Variants in UNC13C observed in about 807,000 individuals in gnomAD.
UNC13C encodes protein unc-13 homolog C.
A neutral mutation model predicts 245.4 loss-of-function variants in UNC13C; 174 were observed. The ratio of observed to expected loss-of-function variants is 0.71; its 90% confidence interval spans 0.63 to 0.80. UNC13C has a LOEUF of 0.80. UNC13C is among the 30% of genes least tolerant of loss of function. UNC13C has a pLI of 0.00. For missense variants in UNC13C, 2,829 were observed against 2,602.9 expected (o/e 1.09, Z -1.89); for synonymous variants, 992 against 895.1 (o/e 1.11, Z -1.93).
intron 13 of UNC13C, among the ~76,000 whole-genome samples, chr15:54,311,384 A>T (rs1354359177): frequency 6.6e-6 from 1 of 151,802 alleles, no homozygotes; most frequent in Non-Finnish European, 1.5e-5. Flanking sequence ...AATTTTTGAC[A>T]TATTTACATT....
chr15:54,253,688 A>C (rs2036209956), intron 8 of UNC13C, among the ~76,000 whole-genome samples: 1 of 152,200 alleles, frequency 6.6e-6, no homozygotes, highest in Admixed American at 6.5e-5. Context: ...ATAACGTGTA[A>C]GGAACTTGCT....
intron 10 of UNC13C, among the ~76,000 whole-genome samples, chr15:54,284,397 A>G (rs1178022744): frequency 6.6e-6 from 1 of 152,180 alleles, no homozygotes; most frequent in East Asian, 1.9e-4. Flanking sequence ...TTGAATACCT[A>G]CTTGCTGCAG....
intron 19 of UNC13C, among the ~76,000 whole-genome samples, chr15:54,482,873 A>T (rs985905318): frequency 1.3e-5 from 2 of 152,328 alleles, no homozygotes; most frequent in Non-Finnish European, 2.9e-5. Flanking sequence ...TACATTTTTC[A>T]CATGTCTAAA....
At chr15:54,487,803 A>C (rs1893498673) in intron 19 of UNC13C, among the ~76,000 whole-genome samples, 1 of 150,274 alleles carries the variant, frequency 6.7e-6, no homozygotes, top group Non-Finnish European at 1.5e-5. Context: ...AGAGAGAGAG[A>C]AAAGAAATTT....
At chr15:54,059,695 C>A (rs1897714675) in intron 2 of UNC13C, among the ~76,000 whole-genome samples, 1 of 152,192 alleles carries the variant, frequency 6.6e-6, no homozygotes, top group African/African-American at 2.4e-5. Flanking sequence ...CTGGAGGCAT[C>A]ACGTTACCTG....
intron 8 of UNC13C, among the ~76,000 whole-genome samples, chr15:54,251,009 G>A (rs976747928): frequency 2.0e-5 from 3 of 151,916 alleles, no homozygotes; most frequent in African/African-American, 4.8e-5. Context: ...GCCCACCTCA[G>A]CCTCCCAAAG....
At chr15:54,441,866 A>C (rs1353278491) in intron 19 of UNC13C, among the ~76,000 whole-genome samples, 1 of 151,816 alleles carries the variant, frequency 6.6e-6, no homozygotes, top group Non-Finnish European at 1.5e-5. Flanking sequence ...TGCTTTCATC[A>C]GTGTTTTGTA....
chr15:54,628,064 A>C lies in UNC13C; in HGVS notation c.*951A>C, dbSNP rs963603917. ...TACTGATGCCAAAAGTCATGTTTTC[A>C]TCCACTTAGTGAAAAAATAGTAAAA... is the stretch of plus-strand genomic sequence containing the variant. On this transcript the variant is annotated 3_prime_UTR_variant, in exon 33 of 33. Coordinates refer to ENST00000260323, the MANE Select transcript of UNC13C (RefSeq NM_001080534.3). 2.0e-5 allele frequency: 3 copies of C among 151,918 alleles called. No homozygotes were observed. The East Asian group carries it at 5.8e-4, about 29-fold the overall frequency. The allele number at this position is 151,918 out of a possible 1,614,324, so 9.4% of individuals were successfully genotyped here.
intron 10 of UNC13C, among the ~76,000 whole-genome samples, chr15:54,272,876 A>C (rs183335384): frequency 1.3e-5 from 2 of 152,358 alleles, no homozygotes; most frequent in African/African-American, 4.8e-5. Flanking sequence ...GGGTCACCAA[A>C]GAGAATTAAT....
chr15:53,844,466 A>G, the UNC13C span, among the ~76,000 whole-genome samples: 2 of 152,106 alleles, frequency 1.3e-5, no homozygotes, highest in Non-Finnish European at 2.9e-5. Context: ...GTACTGAAGG[A>G]CACTGAGGCA....
At chr15:54,629,900 C>A (rs188356783), downstream of UNC13C, 2 of 152,118 alleles carry the variant, frequency 1.3e-5, no homozygotes, top group Admixed American at 1.3e-4. Flanking sequence ...TTATGACTAT[C>A]ATAAAGTACA....
the UNC13C span, among the ~76,000 whole-genome samples, chr15:53,932,233 C>T: frequency 8.6e-5 from 13 of 151,986 alleles, no homozygotes; most frequent in African/African-American, 2.9e-4. Flanking sequence ...CGCTTGAACC[C>T]GGGAGGCAGA....
At chr15:54,505,774 G>A (rs1407794018) in intron 22 of UNC13C, among the ~76,000 whole-genome samples, 9 of 124,366 alleles carry the variant, frequency 7.2e-5, no homozygotes, top group Admixed American at 2.0e-4. Context: ...AGACAATCTC[G>A]CTCTGTCGCC....
chr15:54,463,792 G>C (rs1892013809), intron 19 of UNC13C, among the ~76,000 whole-genome samples: 1 of 152,106 alleles, frequency 6.6e-6, no homozygotes, highest in Non-Finnish European at 1.5e-5. Context: ...TCAAGAAGTA[G>C]GATGCTCGTC....
intron 20 of UNC13C, among the ~76,000 whole-genome samples, chr15:54,498,482 G>A (rs1368860770): frequency 6.6e-6 from 1 of 152,050 alleles, no homozygotes; most frequent in African/African-American, 2.4e-5. Context: ...TGAATTAAGT[G>A]CTAATAAAAT....
intron 12 of UNC13C, among the ~76,000 whole-genome samples, chr15:54,299,945 T>A (rs2037532684): frequency 6.6e-6 from 1 of 152,206 alleles, no homozygotes; most frequent in African/African-American, 2.4e-5. Context: ...TCCAGAGCTA[T>A]TATGACATCT....
chr15:53,992,199 T>G (rs1221806343), intron 1 of UNC13C, among the ~76,000 whole-genome samples: 6 of 152,058 alleles, frequency 3.9e-5, no homozygotes. Flanking sequence ...CTCCTCTGTT[T>G]AACCTCGTAT....
chr15:53,892,369 C>T, the UNC13C span, among the ~76,000 whole-genome samples: 2 of 152,064 alleles, frequency 1.3e-5, no homozygotes, highest in Non-Finnish European at 2.9e-5. Context: ...TTGCTCTTCT[C>T]GAGGAGTATC....
intron 30 of UNC13C, among the ~76,000 whole-genome samples, chr15:54,580,172 A>G (rs926383280): frequency 1.3e-5 from 2 of 152,172 alleles, no homozygotes; most frequent in African/African-American, 4.8e-5. Context: ...TTGGTGACCA[A>G]TGGGGTCAGT....
Sources: allele counts gnomAD v4.1 joint callset (sites outside exome capture counted in the v4.1 genomes callset), GRCh38; gene constraint gnomAD v4.1.1; transcripts MANE v1.5; gene names NCBI Gene and HGNC (gene_info 2026-07-23, HGNC 2026-07-21).